Variants in EFHB observed in about 807,000 individuals in gnomAD.
The protein encoded by EFHB is EF-hand domain family member B, also known as EF-hand domain-containing family member B.
A neutral mutation model predicts 87.2 loss-of-function variants in EFHB; 91 were observed. The ratio of observed to expected loss-of-function variants is 1.04; its 90% CI spans 0.88 to 1.24. The LOEUF (loss-of-function observed/expected upper bound fraction) is 1.24, where lower values mean the gene tolerates loss of function less well. Among genes scored for constraint, EFHB ranks in the 50% most tolerant of loss-of-function variants. The pLI, the probability that EFHB is intolerant of heterozygous loss-of-function variation, is 0.00. For missense variants in EFHB, 1,084 were observed against 998.8 expected, an observed-to-expected ratio of 1.09 and a Z score of -1.15; for synonymous variants, 325 against 333.6, an observed-to-expected ratio of 0.97 and a Z score of 0.28.
chr3:19,930,948 C>T (rs1258740418), intron 1 of EFHB, among the ~76,000 whole-genome samples: 1 of 152,022 alleles, frequency 6.6e-6, no homozygotes, highest in Non-Finnish European at 1.5e-5. Flanking sequence ...GCCTGGCCAA[C>T]ATGGCGAAAC....
At chr3:19,928,343 T>C (rs1695701906) in intron 1 of EFHB, among the ~76,000 whole-genome samples, 1 of 152,206 alleles carries the variant, frequency 6.6e-6, no homozygotes, top group African/African-American at 2.4e-5. Flanking sequence ...AAACTGGAAA[T>C]GGATACAAGT....
chr3:19,930,421 T>C (rs865816115), intron 1 of EFHB, among the ~76,000 whole-genome samples: 1 of 152,214 alleles, frequency 6.6e-6, no homozygotes, highest in Non-Finnish European at 1.5e-5. Flanking sequence ...AATAATAAGA[T>C]TTCTAAGTGG....
chr3:19,929,807 A>T (rs1471695365), intron 1 of EFHB, among the ~76,000 whole-genome samples: 1 of 152,164 alleles, frequency 6.6e-6, no homozygotes. Flanking sequence ...TATAAATAAC[A>T]AATGAAAAAT....
upstream of EFHB, among the ~76,000 whole-genome samples, chr3:19,938,468 G>A (rs1216418447): frequency 6.6e-6 from 1 of 152,186 alleles, no homozygotes; most frequent in African/African-American, 2.4e-5. Flanking sequence ...CTGGACATAT[G>A]TGATAAAGCC....
chr3:19,888,305 T>A (rs1034123966), intron 10 of EFHB, 139 bp downstream of exon 10: 2 of 318,980 alleles, frequency 6.3e-6, no homozygotes, highest in Non-Finnish European at 1.0e-5. Flanking sequence ...AGCAAGAGAA[T>A]CCCTTGAACC....
At chr3:19,931,179 CA>C (rs960325363) in intron 1 of EFHB, among the ~76,000 whole-genome samples, 2 of 151,808 alleles carry the variant, frequency 1.3e-5, no homozygotes, top group East Asian at 1.9e-4. Flanking sequence ...CAAAACAAAA[CA>C]AAAAAACCCT....
rs1407845325 is a variant in EFHB at position 19,924,736 on chromosome 3, G to C, written c.790-4169C>G. 5.9e-5 allele frequency among the ~76,000 whole-genome samples: 9 copies of C among 152,160 alleles called. No homozygotes were observed. The South Asian group carries it at 1.9e-3, about 32-fold the overall frequency. On this transcript the variant is annotated intron_variant, in intron 1 of 12. Coordinates refer to ENST00000295824, the MANE Select transcript of EFHB (RefSeq NM_144715.4). ...GATGTTCCATGTTCATATTGTACTT[G>C]CCTGTGCAAGTCCTAGAGTCAGCCA... is the stretch of plus-strand genomic sequence containing the variant.
upstream of EFHB, chr3:19,936,070 T>A: frequency 1.7e-5 from 18 of 1,088,640 alleles, no homozygotes; most frequent in East Asian, 9.0e-5. Context: ...ATTCCAGAAC[T>A]CTACAAAAAC....
chr3:19,902,031 C>G (rs1220867883), intron 6 of EFHB, among the ~76,000 whole-genome samples: 3 of 151,990 alleles, frequency 2.0e-5, no homozygotes, highest in Admixed American at 6.6e-5. Context: ...AGGCACAGAG[C>G]CAACTCTTTT....
At chr3:19,921,702 A>C (rs936942687) in intron 1 of EFHB, among the ~76,000 whole-genome samples, 2 of 152,178 alleles carry the variant, frequency 1.3e-5, no homozygotes, top group African/African-American at 4.8e-5. Context: ...GTAAAAAAAG[A>C]AAGGAGCTGT....
At chr3:19,920,106 A>C in intron 2 of EFHB, 130 bp from the exon 3 acceptor site, 1 of 940,148 alleles carries the variant, frequency 1.1e-6, no homozygotes, top group South Asian at 2.0e-5. Context: ...CTACAGCCCC[A>C]AATAATGAAC....
At chr3:19,926,217 C>G (rs929261957) in intron 1 of EFHB, among the ~76,000 whole-genome samples, 2 of 152,152 alleles carry the variant, frequency 1.3e-5, no homozygotes, top group African/African-American at 2.4e-5. Flanking sequence ...TTTGTCATAT[C>G]ATAAAGTCAT....
chr3:19,936,246 AGG>A, upstream of EFHB: 2 of 757,726 alleles, frequency 2.6e-6, no homozygotes, highest in Non-Finnish European at 4.6e-6. Flanking sequence ...GCTATCTGAG[AGG>A]CTGAAGTGGG....
chr3:19,942,385 C>T (rs1226041829), intron 1 of EFHB: 1 of 152,532 alleles, frequency 6.6e-6, no homozygotes, highest in Non-Finnish European at 1.5e-5. Context: ...AACACTCTTT[C>T]CAAGGTAGGC....
Position 19,879,628 on chromosome 3 carries a change from A to G in EFHB, c.*3T>C, listed in dbSNP as rs527256339. 1.0e-5 allele frequency: 16 copies of G among 1,548,618 alleles called. No homozygotes were observed. The South Asian group carries it at 1.7e-4, about 17-fold the overall frequency. On this transcript the variant is annotated 3_prime_UTR_variant, in exon 13 of 13. Transcript: ENST00000295824. ...TTGCTTGAATGAATGAAGTCCAAAA[A>G]TATCACATGAGTGTTTTACACTTGA...
At chr3:19,894,989 A>AAAAAATATATATATATATATATATATAT (rs369564576) in intron 9 of EFHB, 2 of 144,520 alleles carry the variant, frequency 1.4e-5, no homozygotes, top group African/African-American at 5.3e-5. Flanking sequence ...TGTCTCAAAA[A>AAAAAATATATATATATATATATATATAT]ATATATATAT....
At chr3:19,928,230 C>A (rs930023635) in intron 1 of EFHB, among the ~76,000 whole-genome samples, 2 of 151,990 alleles carry the variant, frequency 1.3e-5, no homozygotes, top group Non-Finnish European at 2.9e-5. Context: ...ATGGTTTACC[C>A]TTAGAAAATG....
intron 5 of EFHB, among the ~76,000 whole-genome samples, chr3:19,912,979 A>AT (rs1352125964): frequency 6.6e-6 from 1 of 152,244 alleles, no homozygotes; most frequent in African/African-American, 2.4e-5. Context: ...AAAATTCAAC[A>AT]TCCCTTCAAC....
At position 19,884,633 on chromosome 3, in the gene EFHB, G is replaced by A. The variant is rs1440594906; in HGVS notation, c.1934-18C>T. On this transcript the variant is annotated intron_variant, in intron 10 of 12. Coordinates refer to ENST00000295824, the MANE Select transcript of EFHB (RefSeq NM_144715.4). ...TTTTCTACCTTTAAGGAAAATAAAT[G>A]AAAGAAAAAATGCAGGAATACATTA... 11 of 1,601,936 alleles carry A rather than the reference G, an allele frequency of 6.9e-6. No homozygotes were observed. In the Admixed American group the frequency reaches 1.2e-4, roughly 18 times the overall value.
Sources: allele counts gnomAD v4.1 joint callset (sites outside exome capture counted in the v4.1 genomes callset), GRCh38; gene constraint gnomAD v4.1.1; transcripts MANE v1.5; gene names NCBI Gene and HGNC (gene_info 2026-07-23, HGNC 2026-07-21).